The following TM9SF4 variants were observed in gnomAD, a reference collection of about 807,000 sequenced individuals.
The protein encoded by TM9SF4 is transmembrane 9 superfamily member 4.
TM9SF4 carries 26 observed loss-of-function variants against 90.4 expected under a neutral mutation model. The observed-to-expected ratio is 0.29, with a 90% CI of 0.21 to 0.40. The LOEUF (loss-of-function observed/expected upper bound fraction) is 0.40. TM9SF4 is among the 10% of genes least tolerant of loss of function. TM9SF4 has a pLI of 1.00. For synonymous variants in TM9SF4, 293 were observed against 315.4 expected (o/e 0.93, Z 0.75); for missense variants, 549 against 834.8 (o/e 0.66, Z 4.22).
intron 13 of TM9SF4, among the ~76,000 whole-genome samples, chr20:32,156,942 C>CTTTCTTT: frequency 9.7e-6 from 1 of 103,464 alleles, no homozygotes; most frequent in Admixed American, 1.1e-4. Flanking sequence ...TGGACATTTT[C>CTTTCTTT]TTTTTTTTTT....
In TM9SF4 at chr20:32,114,974, A is replaced by G. The variant is rs76634937; in HGVS notation, c.15+5219A>G. On this transcript the variant is annotated intron_variant, in intron 1 of 17. Coordinates refer to ENST00000398022, the MANE Select transcript of TM9SF4 (RefSeq NM_014742.4). Reference sequence around the variant, plus strand: ...AGTTGAAAATTTTGTAGTTTGGAATACTTTAAGGTGAGTTTTGCTAATATG... The same window carrying G: ...AGTTGAAAATTTTGTAGTTTGGAATGCTTTAAGGTGAGTTTTGCTAATATG... 7.6e-4 allele frequency among the ~76,000 whole-genome samples: 116 copies of G among 152,332 alleles called. 2 individuals are homozygous for G. In the East Asian group the frequency reaches 0.02, roughly 27 times the overall value.
chr20:32,164,583 G>A (rs1426005945), intron 17 of TM9SF4, among the ~76,000 whole-genome samples: 2 of 152,198 alleles, frequency 1.3e-5, no homozygotes, highest in Admixed American at 1.3e-4. Flanking sequence ...CTTAGGCTTA[G>A]GAGAGGGCTT....
Position 32,142,972 on chromosome 20 carries a change from T to C in TM9SF4, c.529-10T>C. The stretch of plus-strand genomic sequence containing the variant: ...TGTTCTGTTGTGCTTTCTCTGTTGC[T>C]GTGTTTCAGATCTACCTGCACAACC... On this transcript the variant is annotated splice_polypyrimidine_tract_variant and intron_variant, in intron 5 of 17. Coordinates refer to ENST00000398022, the MANE Select transcript of TM9SF4 (RefSeq NM_014742.4). 1 of 1,612,436 alleles carries C rather than the reference T, an allele frequency of 6.2e-7. No individual in the cohort carries two copies. Among genetic ancestry groups the C allele is most frequent in the Non-Finnish European group, 8.5e-7 (1 of 1,179,010 alleles).
At chr20:32,147,939 C>G (rs1282737067) in intron 9 of TM9SF4, among the ~76,000 whole-genome samples, 1 of 150,950 alleles carries the variant, frequency 6.6e-6, no homozygotes, top group African/African-American at 2.4e-5. Context: ...ATGGTGAAAA[C>G]CTGTCTCTAC....
chr20:32,145,766 T>C (rs2046754651), intron 8 of TM9SF4, among the ~76,000 whole-genome samples: 1 of 152,204 alleles, frequency 6.6e-6, no homozygotes, highest in Non-Finnish European at 1.5e-5. Context: ...TCTGCTCCCA[T>C]AGAGCCTATA....
rs769621358 is a variant in TM9SF4, at chr20:32,141,481, G to T, written c.230-16G>T. ...AGGGCTGAAGCTCTGAGCTTGATCT[G>T]TCTCTCTTACGGCAGGAGAGGTGCT... On this transcript the variant is annotated splice_polypyrimidine_tract_variant and intron_variant, in intron 3 of 17. Transcript: ENST00000398022. 27 of 1,613,300 alleles carry T rather than the reference G, an allele frequency of 1.7e-5. No homozygotes were observed. The South Asian group carries it at 2.4e-4, about 14-fold the overall frequency.
chr20:32,156,449 A>G (rs990225973), intron 13 of TM9SF4, among the ~76,000 whole-genome samples: 1 of 152,218 alleles, frequency 6.6e-6, no homozygotes, highest in African/African-American at 2.4e-5. Flanking sequence ...CCAAAATTCA[A>G]GGATGCTCGA....
At chr20:32,131,481 AGTGTGT>A (rs10524812) in intron 1 of TM9SF4, among the ~76,000 whole-genome samples, 2 of 147,554 alleles carry the variant, frequency 1.4e-5, no homozygotes, top group East Asian at 2.0e-4. Context: ...GAGTCATCAG[AGTGTGT>A]GTGTGTGTGT....
At chr20:32,154,006 T>A (rs905417016) in intron 12 of TM9SF4, among the ~76,000 whole-genome samples, 2 of 152,138 alleles carry the variant, frequency 1.3e-5, no homozygotes, top group African/African-American at 4.8e-5. Context: ...TGGTAGACTT[T>A]CCTTCCAGAC....
rs775466205 is a variant in TM9SF4 at position 32,167,185 on chromosome 20, T to C, written c.*1741T>C. 45 of 152,322 alleles carry C rather than the reference T, an allele frequency of 3.0e-4. No homozygotes were observed. The highest frequency in any genetic ancestry group is 2.5e-3 in the Admixed American group (38 of 15,294). The allele number at this position is 152,322 out of a possible 1,614,324, so 9.4% of individuals were successfully genotyped here. On this transcript the variant is annotated 3_prime_UTR_variant, in exon 18 of 18. Transcript: ENST00000398022. ...CTGACTTTTTAAATCATTATCATTA[T>C]TATTTTTAATTAAAAAAATGCCTGT...
At position 32,166,144 on chromosome 20, in the gene TM9SF4, T is replaced by G. The variant is rs1205834303; in HGVS notation, c.*700T>G. The stretch of plus-strand genomic sequence containing the variant: ...TCCCCTGGAAGTACTGGGGGCCAGG[T>G]TCCCCAGACAGCAGGAATTGCCCCT... On this transcript the variant is annotated 3_prime_UTR_variant, in exon 18 of 18. Transcript: ENST00000398022. 4 of 152,870 alleles carry G rather than the reference T, an allele frequency of 2.6e-5. No homozygotes were observed. Among genetic ancestry groups the G allele is most frequent in the Non-Finnish European group, 4.4e-5 (3 of 68,234 alleles). 9.5% of individuals were successfully genotyped at this position (152,870 alleles called of 1,614,324 possible). A position where few individuals can be genotyped will look rare whatever the true frequency, so the allele number is the denominator to read the frequency against.
At chr20:32,143,159 C>T in intron 6 of TM9SF4, 54 bp downstream of exon 6, 2 of 1,595,842 alleles carry the variant, frequency 1.3e-6, no homozygotes, top group South Asian at 1.1e-5. Context: ...TGGGCTTCTC[C>T]ACGCAGGGTC....
intron 1 of TM9SF4, among the ~76,000 whole-genome samples, chr20:32,123,866 A>ATATATATATATATATATATATATTTTTT: frequency 2.1e-5 from 2 of 93,962 alleles, no homozygotes; most frequent in Non-Finnish European, 3.9e-5. Flanking sequence ...ATATATATAT[A>ATATATATATATATATATATATATTTTTT]TTTTTTTTTT....
chr20:32,148,820 A>T (rs1010151996), intron 9 of TM9SF4, among the ~76,000 whole-genome samples: 27 of 151,858 alleles, frequency 1.8e-4, no homozygotes, highest in African/African-American at 6.5e-4. Context: ...ACAGGCGCCT[A>T]CCACCATGCC....
At chr20:32,151,538 A>G (rs185628474) in intron 12 of TM9SF4, among the ~76,000 whole-genome samples, 1 of 152,232 alleles carries the variant, frequency 6.6e-6, no homozygotes, top group Admixed American at 6.5e-5. Context: ...CACCGCTGTC[A>G]AAAGCTCAAG....
chr20:32,137,690 G>A (rs907541747), intron 3 of TM9SF4, among the ~76,000 whole-genome samples: 5 of 152,158 alleles, frequency 3.3e-5, no homozygotes, highest in African/African-American at 9.7e-5. Flanking sequence ...CCTTGATTGC[G>A]TGACTGTTGG....
chr20:32,149,477 G>T (rs1193808456), intron 9 of TM9SF4, among the ~76,000 whole-genome samples, 157 bp from the exon 10 acceptor site: 1 of 152,142 alleles, frequency 6.6e-6, no homozygotes, highest in Non-Finnish European at 1.5e-5. Context: ...CTTTTCTTGT[G>T]ACAGTTTCAG....
intron 14 of TM9SF4, 73 bp downstream of exon 14, chr20:32,158,042 G>A: frequency 6.3e-7 from 1 of 1,577,150 alleles, no homozygotes; most frequent in South Asian, 1.1e-5. Flanking sequence ...CCAGAAGGGT[G>A]CGGCAACCAG....
intron 3 of TM9SF4, among the ~76,000 whole-genome samples, chr20:32,140,913 G>A (rs1461117505): frequency 6.6e-6 from 1 of 152,082 alleles, no homozygotes. Flanking sequence ...CTGAGGCCCA[G>A]AGGCATAGAA....
Sources: gnomAD v4.1 joint callset for allele counts (sites outside exome capture counted in the v4.1 genomes callset) on GRCh38, gnomAD v4.1.1 for gene constraint, MANE v1.5 for transcripts, NCBI Gene and HGNC (gene_info 2026-07-23, HGNC 2026-07-21) for gene names.